Variants in MAP4K5 observed in about 807,000 individuals in gnomAD.
MAP4K5 encodes the protein mitogen-activated protein kinase kinase kinase kinase 5, also known as MAPK/ERK kinase kinase kinase 5.
A neutral mutation model predicts 135.6 loss-of-function variants in MAP4K5; 82 were observed. The observed-to-expected ratio is 0.60, with a 90% CI of 0.51 to 0.73. MAP4K5 has a LOEUF of 0.73. MAP4K5 is among the 30% of genes least tolerant of loss of function. The pLI is 0.00. For synonymous variants in MAP4K5, 347 were observed against 335.0 expected, an observed-to-expected ratio of 1.04 and a Z score of -0.39; for missense variants, 907 against 1,010.9, an observed-to-expected ratio of 0.90 and a Z score of 1.39.
chr14:50,441,184 A>G (rs573566647), intron 21 of MAP4K5, among the ~76,000 whole-genome samples: 7 of 152,210 alleles, frequency 4.6e-5, no homozygotes, highest in Non-Finnish European at 1.0e-4. Flanking sequence ...AATGGATGCT[A>G]AACTGAGTGA....
At chr14:50,512,065 AAT>A (rs2037941225) in intron 2 of MAP4K5, among the ~76,000 whole-genome samples, 1 of 152,154 alleles carries the variant, frequency 6.6e-6, no homozygotes, top group African/African-American at 2.4e-5. Flanking sequence ...ATAATATATC[AAT>A]ATTGGTTCAA....
At chr14:50,525,743 C>T (rs1232536153) in intron 2 of MAP4K5, among the ~76,000 whole-genome samples, 1 of 152,100 alleles carries the variant, frequency 6.6e-6, no homozygotes, top group Non-Finnish European at 1.5e-5. Context: ...ACTCAGGAGG[C>T]TGAAGTGGGA....
chr14:50,421,343 C>T (rs2035727114), intron 32 of MAP4K5, among the ~76,000 whole-genome samples: 2 of 151,974 alleles, frequency 1.3e-5, no homozygotes, highest in Admixed American at 1.3e-4. Flanking sequence ...ACTGCAACCT[C>T]CGCAACCTGG....
intron 2 of MAP4K5, among the ~76,000 whole-genome samples, chr14:50,505,705 G>A (rs1057479294): frequency 3.3e-5 from 5 of 152,162 alleles, no homozygotes; most frequent in Non-Finnish European, 5.9e-5. Context: ...AACACTGTGC[G>A]AATTTTTACT....
intron 5 of MAP4K5, among the ~76,000 whole-genome samples, chr14:50,483,837 C>CATTTATTTATTT (rs72048369): frequency 2.1e-4 from 30 of 144,296 alleles, no homozygotes; most frequent in African/African-American, 4.6e-4. Flanking sequence ...ACAGCAATTC[C>CATTTATTTATTT]ATTTATTTAT....
chr14:50,429,024 G>A (rs374639527), intron 29 of MAP4K5, among the ~76,000 whole-genome samples, 168 bp downstream of exon 29: 22 of 151,900 alleles, frequency 1.4e-4, no homozygotes, highest in Admixed American at 2.0e-4. Context: ...TGGCTACCTC[G>A]GTGCTCAACT....
At chr14:50,442,677 T>A in intron 21 of MAP4K5, 55 bp downstream of exon 21, 1 of 1,191,682 alleles carries the variant, frequency 8.4e-7, no homozygotes, top group Non-Finnish European at 1.2e-6. Flanking sequence ...ATCATAAAGA[T>A]CTTTCCCATA....
chr14:50,500,242 G>A (rs1049876384), intron 3 of MAP4K5, among the ~76,000 whole-genome samples: 12 of 152,024 alleles, frequency 7.9e-5, no homozygotes, highest in African/African-American at 1.9e-4. Flanking sequence ...ATATATACAC[G>A]TATACATATA....
chr14:50,473,099 TTA>T (rs751517718), intron 9 of MAP4K5, among the ~76,000 whole-genome samples: 1 of 152,154 alleles, frequency 6.6e-6, no homozygotes, highest in African/African-American at 2.4e-5. Context: ...TAATTTTTCT[TTA>T]TATGTCTAAA....
chr14:50,545,688 A>G (rs2038622527), intron 1 of MAP4K5, among the ~76,000 whole-genome samples: 1 of 152,248 alleles, frequency 6.6e-6, no homozygotes, highest in African/African-American at 2.4e-5. Context: ...TTAGAAAGGC[A>G]CATGCGAGTA....
At chr14:50,476,619 C>T (rs1362418114) in intron 6 of MAP4K5, among the ~76,000 whole-genome samples, 4 of 152,152 alleles carry the variant, frequency 2.6e-5, no homozygotes, top group Admixed American at 1.3e-4. Context: ...CGCCACTATG[C>T]CCAGCTAATT....
chr14:50,421,710 G>A (rs2035737237), intron 32 of MAP4K5, among the ~76,000 whole-genome samples: 1 of 151,988 alleles, frequency 6.6e-6, no homozygotes, highest in South Asian at 2.1e-4. Context: ...TAGTGATAGA[G>A]TGGACAGAGA....
chr14:50,535,522 T>G (rs922883468), upstream of MAP4K5, among the ~76,000 whole-genome samples: 3 of 152,244 alleles, frequency 2.0e-5, no homozygotes, highest in African/African-American at 7.2e-5. Flanking sequence ...AGAAATCAAT[T>G]AAATGTTGGA....
chr14:50,424,158 T>C (rs1015154333), intron 31 of MAP4K5, among the ~76,000 whole-genome samples: 1 of 145,342 alleles, frequency 6.9e-6, no homozygotes, highest in African/African-American at 2.6e-5. Context: ...ATTGTAGATA[T>C]AAAGTAAGTT....
chr14:50,477,296 T>G (rs2037123491), intron 6 of MAP4K5, among the ~76,000 whole-genome samples: 1 of 152,212 alleles, frequency 6.6e-6, no homozygotes. Context: ...TATATAAATC[T>G]GATTGATTTT....
chr14:50,485,640 C>T lies in MAP4K5; in HGVS notation c.260G>A (p.Arg87Gln), dbSNP rs752320367. 4 of 1,532,452 alleles carry T rather than the reference C, an allele frequency of 2.6e-6. No homozygotes were observed. The highest frequency in any genetic ancestry group is 3.5e-6 in the Non-Finnish European group (4 of 1,132,696). 94.9% of individuals were successfully genotyped at this position (1,532,452 alleles called of 1,614,324 possible). A position where few individuals can be genotyped will look rare whatever the true frequency, so the allele number is the denominator to read the frequency against. Residue 87 changes from arginine (R) to glutamine (Q), a missense_variant and splice_region_variant, in exon 5 of 33, where the codon CGG becomes CAG. Physicochemically the swap from Arg to Gln is conservative, Grantham distance 43. Transcript: ENST00000682126. ...IVAYFGSYLS[R>Q]EKLWICMEYC... The stretch of plus-strand genomic sequence containing the variant: ...TTCCATACAAATCCATAGTTTTTCC[C>T]GACTAATACAAAAAAAAAAGAAAAT...
At chr14:50,461,812 A>T (rs1405449455) in intron 13 of MAP4K5, among the ~76,000 whole-genome samples, 2 of 151,968 alleles carry the variant, frequency 1.3e-5, no homozygotes, top group African/African-American at 4.8e-5. Flanking sequence ...CCAGCTACTC[A>T]GGAGGCTGAG....
At chr14:50,447,549 A>G (rs1258406994) in intron 15 of MAP4K5, 68 bp from the exon 16 acceptor site, 3 of 849,094 alleles carry the variant, frequency 3.5e-6, no homozygotes, top group Non-Finnish European at 5.5e-6. Flanking sequence ...ATTTGATTCA[A>G]GAAAACATTC....
chr14:50,514,850 G>A (rs2037999914), intron 2 of MAP4K5, among the ~76,000 whole-genome samples: 1 of 6,724 alleles, frequency 1.5e-4, no homozygotes, highest in Non-Finnish European at 2.9e-3. Context: ...AGGACAGAAT[G>A]TATCACCGCC....
Sources: allele counts gnomAD v4.1 joint callset (sites outside exome capture counted in the v4.1 genomes callset), GRCh38; gene constraint gnomAD v4.1.1; transcripts MANE v1.5; gene names NCBI Gene and HGNC (gene_info 2026-07-23, HGNC 2026-07-21).